The following PCDH9 variants were observed in gnomAD, a reference collection of about 807,000 sequenced individuals.
The protein encoded by PCDH9 is protocadherin 9.
A neutral mutation model predicts 70.6 loss-of-function variants in PCDH9; 24 were observed. The observed-to-expected ratio is 0.34, with a 90% CI of 0.25 to 0.48. The LOEUF (loss-of-function observed/expected upper bound fraction) is 0.48, where lower values mean the gene tolerates loss of function less well. PCDH9 is among the 20% of genes least tolerant of loss of function. PCDH9 has a pLI of 0.99. For missense variants in PCDH9, 1,281 were observed against 1,503.6 expected (o/e 0.85, Z 2.45); for synonymous variants, 562 against 558.5 (o/e 1.01, Z -0.09).
chr13:66,379,379 A>G (rs1360023580), intron 4 of PCDH9, among the ~76,000 whole-genome samples: 1 of 152,224 alleles, frequency 6.6e-6, no homozygotes, highest in Non-Finnish European at 1.5e-5. Flanking sequence ...TTAAAATTAA[A>G]GGACCAAAGG....
At chr13:66,981,190 G>A (rs1471560570) in intron 2 of PCDH9, among the ~76,000 whole-genome samples, 1 of 152,130 alleles carries the variant, frequency 6.6e-6, no homozygotes, top group Non-Finnish European at 1.5e-5. Context: ...TGTAATCCCA[G>A]CACTTCGGGA....
At chr13:67,170,657 G>A (rs537052483) in intron 2 of PCDH9, among the ~76,000 whole-genome samples, 6 of 152,236 alleles carry the variant, frequency 3.9e-5, no homozygotes, top group African/African-American at 1.4e-4. Flanking sequence ...AGGCACTATG[G>A]CTCAGGCCTG....
chr13:66,398,574 C>T (rs649474), intron 4 of PCDH9, among the ~76,000 whole-genome samples: 3,383 of 152,124 alleles, frequency 0.022, 127 homozygotes, highest in African/African-American at 0.076. Context: ...TTATAGATAA[C>T]ATTTAAATGA....
intron 4 of PCDH9, among the ~76,000 whole-genome samples, chr13:66,453,967 T>C (rs964526397): frequency 1.8e-4 from 27 of 152,084 alleles, no homozygotes; most frequent in Non-Finnish European, 1.3e-4. Context: ...TTAGGAATAA[T>C]TATTTTAAAT....
intron 3 of PCDH9, among the ~76,000 whole-genome samples, chr13:66,650,750 T>A (rs1271984489): frequency 6.6e-6 from 1 of 151,864 alleles, no homozygotes; most frequent in African/African-American, 2.4e-5. Context: ...CCTCAGTACA[T>A]GAATCATTCT....
intron 2 of PCDH9, among the ~76,000 whole-genome samples, chr13:67,004,038 A>T (rs1189713690): frequency 6.6e-6 from 1 of 152,178 alleles, no homozygotes; most frequent in Non-Finnish European, 1.5e-5. Context: ...GAAACTGAGA[A>T]GAGAAAAATG....
chr13:66,682,319 C>T (rs887516349), intron 3 of PCDH9, among the ~76,000 whole-genome samples: 14 of 152,056 alleles, frequency 9.2e-5, no homozygotes, highest in Admixed American at 2.0e-4. Flanking sequence ...TTTATGAATG[C>T]GTGACCTATC....
chr13:67,190,450 A>G (rs939488457), intron 2 of PCDH9, among the ~76,000 whole-genome samples: 1 of 130,674 alleles, frequency 7.7e-6, no homozygotes, highest in African/African-American at 2.6e-5. Context: ...TCTTAAATTA[A>G]GAGGAAATAT....
At chr13:67,120,050 G>C (rs974361922) in intron 2 of PCDH9, among the ~76,000 whole-genome samples, 104 of 151,856 alleles carry the variant, frequency 6.8e-4, no homozygotes, top group Middle Eastern at 3.4e-3. Context: ...ATCTCTTACT[G>C]TCCCTAACAA....
chr13:66,430,827 A>G (rs1158733574), intron 4 of PCDH9, among the ~76,000 whole-genome samples: 2 of 152,120 alleles, frequency 1.3e-5, no homozygotes, highest in Non-Finnish European at 2.9e-5. Context: ...GTAGAGGCAC[A>G]AAGGGTCTGT....
chr13:66,518,679 T>A (rs1330352259), intron 4 of PCDH9, among the ~76,000 whole-genome samples: 1 of 152,188 alleles, frequency 6.6e-6, no homozygotes, highest in Non-Finnish European at 1.5e-5. Context: ...AGAAGTTATA[T>A]AAGTTTATGG....
chr13:66,613,295 T>C (rs2138877079), intron 4 of PCDH9, among the ~76,000 whole-genome samples: 1 of 152,314 alleles, frequency 6.6e-6, no homozygotes, highest in East Asian at 1.9e-4. Flanking sequence ...AAGCTTAAAC[T>C]TATCTCCCTG....
intron 2 of PCDH9, among the ~76,000 whole-genome samples, chr13:66,916,564 A>T (rs1200491894): frequency 6.6e-6 from 1 of 151,616 alleles, no homozygotes; most frequent in African/African-American, 2.4e-5. Flanking sequence ...TTTAAAATCA[A>T]ATACTCTAAT....
intron 2 of PCDH9, among the ~76,000 whole-genome samples, chr13:67,084,457 C>T (rs898457282): frequency 7.9e-5 from 12 of 152,228 alleles, no homozygotes; most frequent in African/African-American, 1.9e-4. Flanking sequence ...TGTAAGTCCC[C>T]GCTTCAAGAT....
intron 4 of PCDH9, among the ~76,000 whole-genome samples, chr13:66,340,887 G>A (rs890091221): frequency 1.3e-5 from 2 of 152,116 alleles, no homozygotes; most frequent in Non-Finnish European, 2.9e-5. Flanking sequence ...TAACACTAAA[G>A]TGCAAATCTC....
At chr13:67,193,192 C>T (rs1234736925) in intron 2 of PCDH9, among the ~76,000 whole-genome samples, 1 of 152,050 alleles carries the variant, frequency 6.6e-6, no homozygotes, top group Non-Finnish European at 1.5e-5. Flanking sequence ...TTTCCTCAGC[C>T]TAGTGAAATA....
intron 3 of PCDH9, among the ~76,000 whole-genome samples, chr13:66,737,807 C>A (rs1566159367): frequency 6.6e-6 from 1 of 152,144 alleles, no homozygotes; most frequent in South Asian, 2.1e-4. Flanking sequence ...AAATGGCGCA[C>A]CACGAGACTA....
chr13:66,972,227 A>C (rs1463343901), intron 2 of PCDH9, among the ~76,000 whole-genome samples: 1 of 152,000 alleles, frequency 6.6e-6, no homozygotes. Flanking sequence ...TATTAGACAT[A>C]GAATTACTGA....
chr13:66,374,841 C>T (rs1956720702), intron 4 of PCDH9, among the ~76,000 whole-genome samples: 1 of 152,022 alleles, frequency 6.6e-6, no homozygotes, highest in African/African-American at 2.4e-5. Flanking sequence ...AGATGTATTT[C>T]TTCATTGAGG....
Sources: allele counts gnomAD v4.1 joint callset (sites outside exome capture counted in the v4.1 genomes callset), GRCh38; gene constraint gnomAD v4.1.1; transcripts MANE v1.5; gene names NCBI Gene and HGNC (gene_info 2026-07-23, HGNC 2026-07-21).